GPR89B: variants seen among roughly 807,000 people sequenced by gnomAD.
GPR89B encodes the protein golgi pH regulator B.
A neutral mutation model predicts 52.4 loss-of-function variants in GPR89B; 25 were observed. The observed-to-expected ratio is 0.48, with a 90% CI of 0.35 to 0.67. GPR89B has a LOEUF of 0.67. Among genes scored for constraint, GPR89B ranks in the 30% least tolerant of loss-of-function variants. GPR89B has a pLI of 0.01. For missense variants in GPR89B, 146 were observed against 450.2 expected, an observed-to-expected ratio of 0.32 and a Z score of 6.11; for synonymous variants, 52 against 151.2, an observed-to-expected ratio of 0.34 and a Z score of 4.81.
chr1:147,997,085 A>G (rs1241210361), downstream of GPR89B, among the ~76,000 whole-genome samples: 1 of 152,224 alleles, frequency 6.6e-6, no homozygotes, highest in African/African-American at 2.4e-5. Context: ...CAAGCTATAC[A>G]TAATCTCCCT....
intron 10 of GPR89B, among the ~76,000 whole-genome samples, chr1:147,973,672 A>G (rs1375770475): frequency 6.6e-6 from 1 of 151,418 alleles, no homozygotes; most frequent in Admixed American, 6.6e-5. Flanking sequence ...CTTTAGTTTA[A>G]TTAGATCCCA....
the GPR89B span, among the ~76,000 whole-genome samples, chr1:148,017,779 G>T: frequency 1.1e-4 from 6 of 56,960 alleles, no homozygotes; most frequent in South Asian, 3.8e-3. Context: ...ATAAAATAAA[G>T]TTAACACCCC....
intron 7 of GPR89B, among the ~76,000 whole-genome samples, chr1:147,962,578 T>G (rs1656667288): frequency 2.6e-5 from 4 of 151,758 alleles, no homozygotes; most frequent in Non-Finnish European, 1.5e-5. Context: ...AAAATGAATC[T>G]AAATCTAAGT....
chr1:147,994,404 G>A, downstream of GPR89B: 2 of 1,124,718 alleles, frequency 1.8e-6, no homozygotes, highest in Admixed American at 2.1e-5. Flanking sequence ...AATGAAAGAG[G>A]GATGATCTAT....
intron 10 of GPR89B, among the ~76,000 whole-genome samples, chr1:147,975,660 G>A (rs1355165171): frequency 1.3e-5 from 2 of 152,200 alleles, no homozygotes; most frequent in Non-Finnish European, 2.9e-5. Flanking sequence ...ATCTCCTGCA[G>A]TTCTGCTGTG....
chr1:147,986,355 A>G, intron 11 of GPR89B, 61 bp downstream of exon 11: 3 of 1,603,654 alleles, frequency 1.9e-6, no homozygotes, highest in South Asian at 1.1e-5. Context: ...ATAACTTATC[A>G]TTGTTAAGAT....
intron 5 of GPR89B, among the ~76,000 whole-genome samples, chr1:147,946,246 C>G (rs1654965002): frequency 6.6e-6 from 1 of 152,144 alleles, no homozygotes; most frequent in Admixed American, 6.6e-5. Context: ...CCTCATCAAC[C>G]TATGGGCTCC....
chr1:147,937,513 A>G (rs1654187881), intron 2 of GPR89B, among the ~76,000 whole-genome samples: 1 of 152,092 alleles, frequency 6.6e-6, no homozygotes, highest in South Asian at 2.1e-4. Flanking sequence ...ACCAGGGTGT[A>G]TTTTAGTCCT....
chr1:147,935,568 G>C (rs1342416648), intron 1 of GPR89B, among the ~76,000 whole-genome samples: 1 of 152,006 alleles, frequency 6.6e-6, no homozygotes, highest in Non-Finnish European at 1.5e-5. Flanking sequence ...GCAATCTCTC[G>C]GCTTTACACT....
At chr1:147,948,689 A>G (rs1655215659) in intron 5 of GPR89B, among the ~76,000 whole-genome samples, 1 of 152,210 alleles carries the variant, frequency 6.6e-6, no homozygotes, top group South Asian at 2.1e-4. Context: ...GACCAAGAAA[A>G]AGCAATTAGA....
At position 147,943,345 on chromosome 1, in the gene GPR89B, G is replaced by C. The variant is rs587686099; in HGVS notation, c.207-93G>C. 31 of 1,593,920 alleles carry C rather than the reference G, an allele frequency of 1.9e-5. No individual in the cohort carries two copies. In the African/African-American group the frequency reaches 3.9e-4, roughly 20 times the overall value. ...TTAGATAGGATATATTCAATATTGA[G>C]TCCAAGAGCAAAAGGACCCTTTGGA... On this transcript the variant is annotated intron_variant, in intron 3 of 13. Coordinates refer to ENST00000314163, the MANE Select transcript of GPR89B (RefSeq NM_016334.5).
chr1:147,983,811 G>GC (rs1256665953), intron 10 of GPR89B, among the ~76,000 whole-genome samples: 1 of 151,974 alleles, frequency 6.6e-6, no homozygotes, highest in Non-Finnish European at 1.5e-5. Context: ...ATTTGACCCA[G>GC]CCATCCCATT....
intron 10 of GPR89B, among the ~76,000 whole-genome samples, chr1:147,985,252 T>C (rs1658580482): frequency 6.6e-6 from 1 of 152,064 alleles, no homozygotes. Flanking sequence ...TGAAATCTAC[T>C]TTGTCCGACA....
At chr1:147,959,820 T>C (rs1233752095) in intron 7 of GPR89B, among the ~76,000 whole-genome samples, 1 of 151,938 alleles carries the variant, frequency 6.6e-6, no homozygotes, top group African/African-American at 2.4e-5. Context: ...GCAAGGTTGC[T>C]GTGCCTTTGA....
chr1:147,983,234 A>T (rs1658403809), intron 10 of GPR89B, among the ~76,000 whole-genome samples: 1 of 151,026 alleles, frequency 6.6e-6, no homozygotes, highest in Non-Finnish European at 1.5e-5. Context: ...AAGAAAACCT[A>T]GGCGTTACCA....
At chr1:147,979,633 GA>G (rs1658089303) in intron 10 of GPR89B, among the ~76,000 whole-genome samples, 1 of 151,880 alleles carries the variant, frequency 6.6e-6, no homozygotes, top group Admixed American at 6.6e-5. Flanking sequence ...TGCATCTATT[GA>G]GATGATCAAT....
At chr1:147,934,518 G>A (rs1653919478) in intron 1 of GPR89B, among the ~76,000 whole-genome samples, 1 of 152,098 alleles carries the variant, frequency 6.6e-6, no homozygotes, top group Non-Finnish European at 1.5e-5. Context: ...GTTAGGGGTG[G>A]TGGAAACCTT....
At chr1:147,969,052 C>T in intron 9 of GPR89B, 89 bp downstream of exon 9, 1 of 984,874 alleles carries the variant, frequency 1.0e-6, no homozygotes, top group Non-Finnish European at 1.5e-6. Flanking sequence ...TCTCTGTGGC[C>T]AAGCAAGAGA....
chr1:147,982,454 A>G (rs1224991162), intron 10 of GPR89B, among the ~76,000 whole-genome samples: 6 of 140,516 alleles, frequency 4.3e-5, no homozygotes, highest in Admixed American at 2.2e-4. Flanking sequence ...CAATTTCTCC[A>G]CATCCCCACC....
Sources: gnomAD v4.1 joint callset for allele counts (sites outside exome capture counted in the v4.1 genomes callset) on GRCh38, gnomAD v4.1.1 for gene constraint, MANE v1.5 for transcripts, NCBI Gene and HGNC (gene_info 2026-07-23, HGNC 2026-07-21) for gene names.